Variants in YWHAZ observed in about 807,000 individuals in gnomAD.
YWHAZ encodes tyrosine 3-monooxygenase/tryptophan 5-monooxygenase activation protein zeta.
For missense variants in YWHAZ, 79 were observed against 284.8 expected (o/e 0.28, Z 5.20); for synonymous variants, 87 against 103.6 (o/e 0.84, Z 0.97).
chr8:100,925,246 G>A (rs911100115), intron 2 of YWHAZ, among the ~76,000 whole-genome samples: 6 of 152,176 alleles, frequency 3.9e-5, no homozygotes, highest in Non-Finnish European at 7.3e-5. Flanking sequence ...TGAAGTTAGT[G>A]TTCAGTTTAT....
chr8:100,918,436 A>ATATT lies in YWHAZ; in HGVS notation c.*2256_*2257insAATA, dbSNP rs1563661916. 1 of 106,288 alleles carries ATATT rather than the reference A, an allele frequency of 9.4e-6. No individual in the cohort carries two copies. The highest frequency in any genetic ancestry group is 3.7e-5 in the African/African-American group (1 of 27,164). The allele number at this position is 106,288 out of a possible 1,614,324, so 6.6% of individuals were successfully genotyped here. Reference sequence around the variant, plus strand: ...TATATATATATATATATATATATATATATATATAATTATTTTACCTCCTTG... The same window carrying ATATT: ...TATATATATATATATATATATATATATATTTATATATAATTATTTTACCTCCTTG... On this transcript the variant is annotated 3_prime_UTR_variant, in exon 6 of 6. Transcript: ENST00000395958.
chr8:100,930,119 A>G (rs1461813329), intron 2 of YWHAZ, among the ~76,000 whole-genome samples: 3 of 152,114 alleles, frequency 2.0e-5, no homozygotes, highest in South Asian at 4.2e-4. Flanking sequence ...CCGTATTTAG[A>G]ACGAAGTCTC....
At position 100,918,445 on chromosome 8, in the gene YWHAZ, A is replaced by ATATATATATATATATATAT. The variant is rs1554611445; in HGVS notation, c.*2247_*2248insATATATATATATATATATA. The ATATATATATATATATATAT allele has an allele frequency of 5.6e-4, 17 of 30,248 alleles. No individual in the cohort carries two copies. The highest frequency in any genetic ancestry group is 1.2e-3 in the Admixed American group (3 of 2,414). 1.9% of individuals were successfully genotyped at this position (30,248 alleles called of 1,614,324 possible). On this transcript the variant is annotated 3_prime_UTR_variant, in exon 6 of 6. Coordinates refer to ENST00000395958, the MANE Select transcript of YWHAZ (RefSeq NM_145690.3). ...ATATATATATATATATATATATATA[A>ATATATATATATATATATAT]TTATTTTACCTCCTTGGCTTGGGGG...
At chr8:100,921,100 C>A (rs1812994923) in intron 5 of YWHAZ, among the ~76,000 whole-genome samples, 1 of 152,132 alleles carries the variant, frequency 6.6e-6, no homozygotes, top group African/African-American at 2.4e-5. Context: ...GTGGCGTGAT[C>A]TTGGCTCAAT....
intron 2 of YWHAZ, among the ~76,000 whole-genome samples, chr8:100,938,230 A>C (rs150115692): frequency 2.6e-5 from 4 of 152,328 alleles, no homozygotes; most frequent in African/African-American, 9.6e-5. Context: ...GTATCTTGAT[A>C]GCAGATTAAA....
intron 1 of YWHAZ, chr8:100,951,214 C>G (rs868009089): frequency 2.0e-6 from 2 of 985,180 alleles, no homozygotes; most frequent in Non-Finnish European, 1.2e-6. Flanking sequence ...CCCGCCGGCG[C>G]GCAGCCTCGC....
chr8:100,945,653 T>C (rs1290039940), intron 2 of YWHAZ, among the ~76,000 whole-genome samples: 1 of 152,170 alleles, frequency 6.6e-6, no homozygotes, highest in African/African-American at 2.4e-5. Context: ...CTAGTAGAAA[T>C]ATCAGTTCTG....
chr8:100,927,272 C>T (rs1420225723), intron 2 of YWHAZ, among the ~76,000 whole-genome samples: 1 of 152,146 alleles, frequency 6.6e-6, no homozygotes, highest in African/African-American at 2.4e-5. Flanking sequence ...CCTGTAATCC[C>T]AACACTTTGG....
At chr8:100,942,846 A>C (rs1809973904) in intron 2 of YWHAZ, among the ~76,000 whole-genome samples, 1 of 152,244 alleles carries the variant, frequency 6.6e-6, no homozygotes, top group Non-Finnish European at 1.5e-5. Context: ...AAGGAAAAAT[A>C]AGAGTAACAA....
intron 1 of YWHAZ, chr8:100,951,554 A>G: frequency 1.0e-6 from 1 of 984,974 alleles, no homozygotes; most frequent in Non-Finnish European, 1.2e-6. Flanking sequence ...CGCAGAGACA[A>G]GGGTGGGGAT....
chr8:100,934,157 CAAAAAA>C lies in YWHAZ; in HGVS notation c.295-9124_295-9119del, dbSNP rs35069019. Reference sequence around the variant, plus strand: ...CTGGGCAACAAAGCTAGACTCGTCTCAAAAAAAAAAAAAAAAAAAAAAAAAAAAATT... The same window carrying C: ...CTGGGCAACAAAGCTAGACTCGTCTCAAAAAAAAAAAAAAAAAAAAAAATT... On this transcript the variant is annotated intron_variant, in intron 2 of 5. Transcript: ENST00000395958. 1.3e-4 allele frequency among the ~76,000 whole-genome samples: 10 copies of C among 78,204 alleles called. No homozygotes were observed. In the South Asian group the frequency reaches 1.3e-3, roughly 10 times the overall value. The allele number at this position is 78,204 out of a possible 152,430, so 51.3% of individuals were successfully genotyped here. A position where few individuals can be genotyped will look rare whatever the true frequency, so the allele number is the denominator to read the frequency against.
intron 2 of YWHAZ, among the ~76,000 whole-genome samples, chr8:100,942,180 G>T (rs551332174): frequency 2.4e-4 from 37 of 152,264 alleles, no homozygotes; most frequent in African/African-American, 7.9e-4. Flanking sequence ...CACACAAAAT[G>T]ATCTTACTGA....
Position 100,924,796 on chromosome 8 carries a change from C to T in YWHAZ, c.418+120G>A. On this transcript the variant is annotated intron_variant, in intron 3 of 5. Coordinates refer to ENST00000395958, the MANE Select transcript of YWHAZ (RefSeq NM_145690.3). The surrounding 1 kb of genome is among the most constrained non-coding windows in gnomAD (Gnocchi z 5.7). ...GTGTATTCTCAGAACACAAAGAGCA[C>T]TGCTACTCCTTATTCGGCACTCTAA... 7.8e-7 allele frequency: 1 copy of T among 1,284,616 alleles called. No individual in the cohort carries two copies. The highest frequency in any genetic ancestry group is 1.5e-5 in the South Asian group (1 of 68,706). 79.6% of individuals were successfully genotyped at this position (1,284,616 alleles called of 1,614,324 possible).
intron 2 of YWHAZ, among the ~76,000 whole-genome samples, chr8:100,943,417 TCA>T (rs1402729545): frequency 4.6e-5 from 7 of 152,234 alleles, no homozygotes; most frequent in East Asian, 1.9e-4. Context: ...TTAAAAATTC[TCA>T]CACACACATT....
rs1401866632 is a variant in YWHAZ, at chr8:100,948,361, GTC to G, written c.294+233_294+234del. On this transcript the variant is annotated intron_variant, in intron 2 of 5. Transcript: ENST00000395958. This position sits in a 1 kb window ranked among gnomAD's most constrained non-coding sequence, Gnocchi z 4.2. ...AATTAATATAAAATACAATACTAAA[GTC>G]TGTTATTTTTAACAAAACTGAACTG... 2.0e-5 allele frequency among the ~76,000 whole-genome samples: 3 copies of G among 152,076 alleles called. No individual in the cohort carries two copies. Among genetic ancestry groups the G allele is most frequent in the Admixed American group, 6.5e-5 (1 of 15,274 alleles).
At chr8:100,943,935 C>T (rs781093732) in intron 2 of YWHAZ, among the ~76,000 whole-genome samples, 1 of 144,056 alleles carries the variant, frequency 6.9e-6, no homozygotes, top group Non-Finnish European at 1.5e-5. Flanking sequence ...TGCAGTGAGC[C>T]GAGATCGTTC....
At chr8:100,952,624 CA>C (rs1341296044), upstream of YWHAZ, 1 of 295,006 alleles carries the variant, frequency 3.4e-6, no homozygotes, top group East Asian at 1.7e-4. Flanking sequence ...GTAACTGCCC[CA>C]GGGCCGTCCC....
Position 100,920,770 on chromosome 8 carries a change from G to T in YWHAZ, c.679-18C>A, listed in dbSNP as rs757640902. On this transcript the variant is annotated intron_variant, in intron 5 of 5. Coordinates refer to ENST00000395958, the MANE Select transcript of YWHAZ (RefSeq NM_145690.3). ...GTCCACAACTGGTAAAAGAAGGAAA[G>T]ATTTTTCAGCAAGTTTCAGTGGGAT... 3 of 577,574 alleles carry T rather than the reference G, an allele frequency of 5.2e-6. No individual in the cohort carries two copies. 35.8% of individuals were successfully genotyped at this position (577,574 alleles called of 1,614,324 possible).
chr8:100,953,255 A>G (rs1810927257), upstream of YWHAZ: 7 of 985,522 alleles, frequency 7.1e-6, no homozygotes, highest in Non-Finnish European at 8.4e-6. Flanking sequence ...CATACTGCAC[A>G]TGACGATCAT....
Sources: gnomAD v4.1 joint callset for allele counts (sites outside exome capture counted in the v4.1 genomes callset) on GRCh38, gnomAD v4.1.1 for gene constraint, Gnocchi (gnomAD v3.1) non-coding constraint, MANE v1.5 for transcripts, NCBI Gene and HGNC (gene_info 2026-07-23, HGNC 2026-07-21) for gene names.